The following RNF213 variants were observed in gnomAD, a reference collection of about 807,000 sequenced individuals.
RNF213 encodes ring finger protein 213.
RNF213 carries 341 observed loss-of-function variants against 514.4 expected under a neutral mutation model. The ratio of observed to expected loss-of-function variants is 0.66; its 90% CI spans 0.61 to 0.73. The LOEUF is 0.73. Ranked by LOEUF, RNF213 falls within the 30% of genes least tolerant of loss-of-function variation. The pLI is 0.00. For synonymous variants in RNF213, 2,655 were observed against 2,658.2 expected (o/e 1.00, Z 0.04); for missense variants, 5,767 against 6,615.6 (o/e 0.87, Z 4.45).
rs1458724003 is a variant in RNF213, at chr17:80,317,895, A to T, written c.2901+618A>T. Among the ~76,000 whole-genome samples, 1 of 152,184 alleles carries T rather than the reference A, an allele frequency of 6.6e-6. No individual in the cohort carries two copies. The highest frequency in any genetic ancestry group is 1.5e-5 in the Non-Finnish European group (1 of 68,032). Reference sequence around the variant, plus strand: ...CCAAGCTCTTGTCCAGCATCCAAGAAGAATGGGGTCACCCGGACACTTGAA... The same window carrying T: ...CCAAGCTCTTGTCCAGCATCCAAGATGAATGGGGTCACCCGGACACTTGAA... On this transcript the variant is annotated intron_variant, in intron 16 of 67. Transcript: ENST00000582970. This position sits in a 1 kb window ranked among gnomAD's most constrained non-coding sequence, Gnocchi z 4.1.
chr17:80,379,507 T>C (rs2079898736), intron 54 of RNF213, 113 bp from the exon 55 acceptor site: 1 of 996,198 alleles, frequency 1.0e-6, no homozygotes, highest in African/African-American at 1.6e-5. Context: ...ACTGGGACAA[T>C]CTGAGGGTGC....
Position 80,339,602 on chromosome 17 carries a change from T to TG in RNF213, c.5236dup (p.Val1746GlyfsTer6). On this transcript the variant is annotated frameshift_variant, in exon 26 of 68. Coordinates refer to ENST00000582970, the MANE Select transcript of RNF213 (RefSeq NM_001256071.3). LOFTEE classifies it high-confidence loss of function. ...CCCTGAGGGATGTCTTAAGGGCCTC[T>TG]GTGGGGTGTGGGAGTGAGGCCGCCA... is the stretch of plus-strand genomic sequence containing the variant. 6.5e-7 allele frequency: 1 copy of TG among 1,537,230 alleles called. No homozygotes were observed. Among genetic ancestry groups the TG allele is most frequent in the East Asian group, 2.4e-5 (1 of 40,910 alleles).
intron 11 of RNF213, among the ~76,000 whole-genome samples, chr17:80,304,366 T>C (rs943980710): frequency 2.6e-5 from 4 of 152,042 alleles, no homozygotes; most frequent in African/African-American, 9.7e-5. Context: ...CTTGGCTGGG[T>C]GCAGTGGCTC....
chr17:80,346,637 G>A lies in RNF213; in HGVS notation c.8302G>A (p.Val2768Met). ...CGAGCTGAAGATTCCCCTCTTCCTG[G>A]TGGGGAAGCCCGGCAGCTCCAAGTC... Reference protein sequence around the residue: ...CIELKIPLFLVGKPGSSKSLA... With the variant: ...CIELKIPLFLMGKPGSSKSLA... Residue 2768 changes from valine (V) to methionine (M), a missense_variant, in exon 29 of 68, where the codon GTG (valine) becomes ATG (methionine). By Grantham distance (21) the Val-to-Met change is conservative. Transcript: ENST00000582970. This position sits in a 1 kb window ranked among gnomAD's most constrained non-coding sequence, Gnocchi z 8.1. The A allele has an allele frequency of 6.2e-7, 1 of 1,612,620 alleles. No homozygotes were observed. Among genetic ancestry groups the A allele is most frequent in the Non-Finnish European group, 8.5e-7 (1 of 1,180,022 alleles).
rs760462817 is a variant in RNF213, at chr17:80,383,874, G to A, written c.14268G>A (p.Val4756=). 15 of 1,614,070 alleles carry A rather than the reference G, an allele frequency of 9.3e-6. No homozygotes were observed. In the South Asian group the frequency reaches 1.5e-4, roughly 17 times the overall value. ...CAGTTGAGTACCTCCAGCACATTGT[G>A]GAACAGAAAAATGGCAAAGAAAGAG... ...RITVEYLQHI[V]EQKNGKERVP... Residue 4756 remains valine (V), a synonymous_variant, in exon 59 of 68, where the codon GTG becomes GTA. Transcript: ENST00000582970.
chr17:80,385,144 A>T lies in RNF213; in HGVS notation c.14428A>T (p.Arg4810Ter), dbSNP rs370932670. ...NVQQVEYSSI[R>*]GFLSKHSSDG... ...CCAGCAAGTTGAATACAGCTCCATC[A>T]GAGGCTTCCTCAGCAAGCACAGCTC... The change falls in exon 60 of 68, where the codon AGA becomes TGA. Residue 4810 changes from arginine to a stop codon, truncating the protein, a stop_gained. Coordinates refer to ENST00000582970, the MANE Select transcript of RNF213 (RefSeq NM_001256071.3). LOFTEE classifies it high-confidence loss of function. The T allele has an allele frequency of 6.2e-7, 1 of 1,614,188 alleles. No individual in the cohort carries two copies. Among genetic ancestry groups the T allele is most frequent in the Non-Finnish European group, 8.5e-7 (1 of 1,180,020 alleles).
Position 80,360,063 on chromosome 17 carries a change from A to G in RNF213, c.11057A>G (p.His3686Arg), listed in dbSNP as rs751971768. 2 of 1,614,056 alleles carry G rather than the reference A, an allele frequency of 1.2e-6. No individual in the cohort carries two copies. Among genetic ancestry groups the G allele is most frequent in the East Asian group, 2.2e-5 (1 of 44,904 alleles). ...TATCATCCCTCACCTTATTGCAGAC[A>G]TAAAGGTGAGATGGCCTACATCGTG... ...NIPLVMNNER[H>R]KGEMAYIVVQ... The change falls in exon 38 of 68, where the codon CAT (histidine) becomes CGT (arginine). Residue 3686 changes from histidine to arginine, a missense_variant and splice_region_variant. Around this residue, in one of 13 missense-constraint regions of RNF213, gnomAD observed 919 missense variants for 1,121.0 expected, o/e 0.82. Transcript: ENST00000582970.
chr17:80,295,325 G>A (rs942765073), intron 9 of RNF213, among the ~76,000 whole-genome samples: 2 of 152,168 alleles, frequency 1.3e-5, no homozygotes, highest in African/African-American at 2.4e-5. Context: ...GTTTCAGGCC[G>A]GCCTGGAGCT....
intron 35 of RNF213, 63 bp downstream of exon 35, chr17:80,354,229 T>C (rs1437259401): frequency 1.6e-5 from 25 of 1,577,940 alleles, no homozygotes; most frequent in Non-Finnish European, 2.1e-5. Context: ...GGAGTGGGCA[T>C]CATTTCACTG....
chr17:80,336,449 CTG>C, intron 23 of RNF213, 71 bp downstream of exon 23: 1 of 1,336,252 alleles, frequency 7.5e-7, no homozygotes, highest in South Asian at 1.3e-5. Context: ...AGGGCAGTGA[CTG>C]TGGAAATGGT....
At position 80,334,133 on chromosome 17, in the gene RNF213, A is replaced by T; in HGVS notation, c.4172A>T (p.Glu1391Val). The change falls in exon 22 of 68, where the codon GAA (glutamate) becomes GTA (valine). Residue 1391 changes from glutamate (E) to valine (V), a missense_variant. Transcript: ENST00000582970. The stretch of plus-strand genomic sequence containing the variant: ...GATAACTTCGACGACTTTCGCCGTG[A>T]AACACTGGACCAGATCAACCAGGAG... ...FTDNFDDFRR[E>V]TLDQINQELI... 6.5e-7 allele frequency: 1 copy of T among 1,537,246 alleles called. No homozygotes were observed.
intron 37 of RNF213, 106 bp from the exon 38 acceptor site, chr17:80,359,954 CT>C (rs946659534): frequency 5.0e-6 from 6 of 1,211,846 alleles, no homozygotes; most frequent in Middle Eastern, 1.9e-4. Flanking sequence ...CTGTTGGCCC[CT>C]TTGTTTTTGA....
At chr17:80,391,405 G>A (rs2080466754) in intron 67 of RNF213, among the ~76,000 whole-genome samples, 1 of 151,920 alleles carries the variant, frequency 6.6e-6, no homozygotes, top group African/African-American at 2.4e-5. Flanking sequence ...CTAGTAGCTG[G>A]GATTACAGGT....
At chr17:80,328,621 C>T (rs2046338532) in intron 20 of RNF213, 144 bp downstream of exon 20, 4 of 679,914 alleles carry the variant, frequency 5.9e-6, no homozygotes, top group Non-Finnish European at 4.6e-6. Context: ...CTGGGGGGAT[C>T]GCTTTCACCT....
chr17:80,361,587 A>G, intron 38 of RNF213, 147 bp from the exon 39 acceptor site: 1 of 812,122 alleles, frequency 1.2e-6, no homozygotes, highest in Non-Finnish European at 2.1e-6. Flanking sequence ...TCAATTCCCT[A>G]CAAAATCAGG....
In RNF213 at chr17:80,340,841, G is replaced by A. The variant is rs7213539; in HGVS notation, c.5989+485G>A. The A allele has an allele frequency of 9.3e-3, 1,521 of 163,740 alleles. 28 individuals carry two copies. Among genetic ancestry groups the A allele is most frequent in the African/African-American group, 0.034 (1,405 of 41,302 alleles). 10.1% of individuals were successfully genotyped at this position (163,740 alleles called of 1,614,324 possible). A position where few individuals can be genotyped will look rare whatever the true frequency, so the allele number is the denominator to read the frequency against. On this transcript the variant is annotated intron_variant, in intron 26 of 67. Transcript: ENST00000582970. ...TTTTTTTGAGACAGAGTCTCACTCT[G>A]TTGCCCAGATTGGAGTACAGTGGCG...
Position 80,386,774 on chromosome 17 carries a change from C to A in RNF213, c.14805C>A (p.Ser4935=). Residue 4935 remains serine (S), a synonymous_variant, in exon 63 of 68, where the codon TCC becomes TCA. Transcript: ENST00000582970. The part of the protein sequence containing the change: ...VERDLTPLIL[S]NCQYQVEEGR... Reference sequence around the variant, plus strand: ...GGGACCTGACTCCACTGATTCTCTCCAACTGCCAGTACCAGGTGGAGGAGG... The same window carrying A: ...GGGACCTGACTCCACTGATTCTCTCAAACTGCCAGTACCAGGTGGAGGAGG... 1 of 1,614,214 alleles carries A rather than the reference C, an allele frequency of 6.2e-7. No homozygotes were observed. The highest frequency in any genetic ancestry group is 1.3e-5 in the African/African-American group (1 of 75,058).
chr17:80,339,090 G>C, intron 25 of RNF213, 111 bp from the exon 26 acceptor site: 1 of 821,542 alleles, frequency 1.2e-6, no homozygotes, highest in South Asian at 2.0e-5. Context: ...ATCATGCAGT[G>C]GGCCTGTGGA....
chr17:80,291,476 G>T, intron 7 of RNF213, 152 bp from the exon 8 acceptor site: 1 of 766,546 alleles, frequency 1.3e-6, no homozygotes, highest in East Asian at 2.6e-5. Context: ...TCCCGCCTCA[G>T]CCTCCCATGG....
Sources: allele counts gnomAD v4.1 joint callset (sites outside exome capture counted in the v4.1 genomes callset), GRCh38; gene constraint gnomAD v4.1.1; regional missense constraint gnomAD v4.1.1; non-coding constraint Gnocchi (gnomAD v3.1); transcripts MANE v1.5; gene names NCBI Gene and HGNC (gene_info 2026-07-23, HGNC 2026-07-21).